The following FRMD4A variants were observed in gnomAD, a reference collection of about 807,000 sequenced individuals.
The protein encoded by FRMD4A is FERM domain containing 4A.
FRMD4A carries 29 observed loss-of-function variants against 129.1 expected under a neutral mutation model. The ratio of observed to expected loss-of-function variants is 0.22; its 90% CI spans 0.17 to 0.31. FRMD4A has a LOEUF of 0.31. Ranked by LOEUF, FRMD4A falls within the 10% of genes least tolerant of loss-of-function variation. The pLI is 1.00. For missense variants in FRMD4A, 1,272 were observed against 1,375.8 expected (o/e 0.92, Z 1.19); for synonymous variants, 634 against 571.6 (o/e 1.11, Z -1.56).
At chr10:13,941,228 G>T (rs1198113141) in intron 2 of FRMD4A, among the ~76,000 whole-genome samples, 2 of 152,144 alleles carry the variant, frequency 1.3e-5, no homozygotes, top group East Asian at 3.9e-4. Context: ...TCTCATGGTA[G>T]TGAATAAGTC....
At chr10:14,292,940 C>A (rs1327826730) in intron 2 of FRMD4A, among the ~76,000 whole-genome samples, 3 of 151,970 alleles carry the variant, frequency 2.0e-5, no homozygotes, top group African/African-American at 7.3e-5. Context: ...TTTCTGTTCA[C>A]CAAAAGGTAT....
intron 2 of FRMD4A, among the ~76,000 whole-genome samples, chr10:14,173,420 A>G (rs1334845781): frequency 4.6e-5 from 7 of 152,180 alleles, no homozygotes; most frequent in Admixed American, 4.6e-4. Context: ...ATGTTACAGG[A>G]CCAAGTTCAA....
chr10:13,812,608 A>T (rs546761436), intron 3 of FRMD4A, among the ~76,000 whole-genome samples: 2 of 152,206 alleles, frequency 1.3e-5, no homozygotes, highest in Non-Finnish European at 2.9e-5. Flanking sequence ...ACGGAGTAAG[A>T]GCTAGCGCTG....
chr10:13,728,235 A>G (rs1452990732), intron 12 of FRMD4A, among the ~76,000 whole-genome samples: 1 of 152,150 alleles, frequency 6.6e-6, no homozygotes, highest in African/African-American at 2.4e-5. Context: ...AGTTCATTCA[A>G]TATTGATAGC....
rs1333243763 is a variant in FRMD4A at position 13,743,665 on chromosome 10, T to C, written c.549-3088A>G. ...AGCAGCAGAAATCTTTGCCGCCCCC[T>C]GTTTGCCCTGTAACTCCTGCTCTCT... On this transcript the variant is annotated intron_variant, in intron 9 of 24. Coordinates refer to ENST00000357447, the MANE Select transcript of FRMD4A (RefSeq NM_018027.5). Among the ~76,000 whole-genome samples the C allele has an allele frequency of 2.0e-5, 3 of 150,162 alleles. No individual in the cohort carries two copies. The East Asian group carries it at 5.8e-4, about 29-fold the overall frequency.
At chr10:14,012,168 G>A (rs977758765) in intron 2 of FRMD4A, among the ~76,000 whole-genome samples, 5 of 151,490 alleles carry the variant, frequency 3.3e-5, no homozygotes, top group African/African-American at 1.2e-4. Flanking sequence ...AGTTGAGGGG[G>A]GAAAGATGCC....
At chr10:13,836,091 G>A (rs534859442) in intron 3 of FRMD4A, among the ~76,000 whole-genome samples, 99 of 152,262 alleles carry the variant, frequency 6.5e-4, no homozygotes, top group African/African-American at 2.3e-3. Flanking sequence ...TCTGCCTCCC[G>A]GGTTCAAGGG....
chr10:13,891,511 T>A (rs954144118), intron 2 of FRMD4A: 10 of 752,850 alleles, frequency 1.3e-5, no homozygotes, highest in Non-Finnish European at 1.6e-5. Flanking sequence ...AGGCCCCCAG[T>A]AAAGAAGCAG....
chr10:13,884,116 A>ACT lies in FRMD4A; in HGVS notation c.46-25205_46-25204insAG, dbSNP rs1455763080. On this transcript the variant is annotated intron_variant, in intron 2 of 24. Coordinates refer to ENST00000357447, the MANE Select transcript of FRMD4A (RefSeq NM_018027.5). ...CAATGGAAAAGAAACACACACACAC[A>ACT]CACACTCACACACACGCTCACACAC... Among the ~76,000 whole-genome samples the ACT allele has an allele frequency of 6.8e-4, 76 of 111,938 alleles. 2 individuals carry two copies. Among genetic ancestry groups the ACT allele is most frequent in the Non-Finnish European group, 1.1e-3 (59 of 55,534 alleles). 73.4% of individuals were successfully genotyped at this position (111,938 alleles called of 152,430 possible). A position where few individuals can be genotyped will look rare whatever the true frequency, so the allele number is the denominator to read the frequency against.
intron 2 of FRMD4A, among the ~76,000 whole-genome samples, chr10:13,955,090 C>T (rs1225827291): frequency 7.1e-6 from 1 of 141,772 alleles, no homozygotes; most frequent in East Asian, 2.1e-4. Flanking sequence ...CCAACTCTTC[C>T]AACCCCATGT....
At chr10:13,846,042 G>A (rs2094040176) in intron 3 of FRMD4A, among the ~76,000 whole-genome samples, 1 of 152,078 alleles carries the variant, frequency 6.6e-6, no homozygotes, top group South Asian at 2.1e-4. Flanking sequence ...TGAAAAAATG[G>A]GAATAATAAC....
In FRMD4A at chr10:13,752,467, A is replaced by G. The variant is rs187361498; in HGVS notation, c.465-4648T>C. On this transcript the variant is annotated intron_variant, in intron 8 of 24. Coordinates refer to ENST00000357447, the MANE Select transcript of FRMD4A (RefSeq NM_018027.5). ...AAAACCTGGAAATAACTTTTTCAAGAAAGTCCCCCTGGGTCAAATGAGATG... is the reference window on the plus strand; with the variant it reads ...AAAACCTGGAAATAACTTTTTCAAGGAAGTCCCCCTGGGTCAAATGAGATG... Among the ~76,000 whole-genome samples the G allele has an allele frequency of 2.1e-3, 323 of 152,350 alleles. 2 individuals carry two copies. The highest frequency in any genetic ancestry group is 6.7e-3 in the African/African-American group (277 of 41,586).
intron 2 of FRMD4A, among the ~76,000 whole-genome samples, chr10:14,318,562 G>A (rs1846841370): frequency 6.9e-6 from 1 of 144,122 alleles, no homozygotes; most frequent in Non-Finnish European, 1.5e-5. Flanking sequence ...CAGATGTTCA[G>A]AGTTTGGATG....
rs747411670 is a variant in FRMD4A at position 13,809,984 on chromosome 10, G to C, written c.206+830C>G. ...GGCACCACCTGATTCCCAGGGCCTC[G>C]GCTCCCCTGTACTGTCTTGCCTGGC... is the stretch of plus-strand genomic sequence containing the variant. On this transcript the variant is annotated intron_variant, in intron 4 of 24. Coordinates refer to ENST00000357447, the MANE Select transcript of FRMD4A (RefSeq NM_018027.5). Among the ~76,000 whole-genome samples, 24 of 152,108 alleles carry C rather than the reference G, an allele frequency of 1.6e-4. 1 individual carries two copies. The highest frequency in any genetic ancestry group is 2.9e-4 in the Non-Finnish European group (20 of 68,016).
intron 2 of FRMD4A, among the ~76,000 whole-genome samples, chr10:14,279,740 G>C (rs188064485): frequency 6.6e-6 from 1 of 152,166 alleles, no homozygotes; most frequent in African/African-American, 2.4e-5. Flanking sequence ...TGGAGTCAAT[G>C]TGCATGATCT....
intron 2 of FRMD4A, among the ~76,000 whole-genome samples, chr10:14,275,854 T>C (rs1845320843): frequency 6.6e-6 from 1 of 151,956 alleles, no homozygotes; most frequent in Non-Finnish European, 1.5e-5. Context: ...ACCTGGGCAA[T>C]ACAGCAAGAC....
At chr10:13,898,663 G>GT (rs1378119605) in intron 2 of FRMD4A, among the ~76,000 whole-genome samples, 35 of 152,294 alleles carry the variant, frequency 2.3e-4, no homozygotes, top group African/African-American at 8.4e-4. Flanking sequence ...AAGAGATGAT[G>GT]GCTTAGCTCT....
intron 2 of FRMD4A, among the ~76,000 whole-genome samples, chr10:13,991,386 C>G (rs1406748952): frequency 6.6e-6 from 1 of 152,140 alleles, no homozygotes; most frequent in Non-Finnish European, 1.5e-5. Context: ...GGGCATCAGG[C>G]GCGGAGATTC....
chr10:13,835,119 G>C (rs538483669), intron 3 of FRMD4A, among the ~76,000 whole-genome samples: 8 of 152,258 alleles, frequency 5.3e-5, no homozygotes, highest in African/African-American at 1.7e-4. Context: ...TCAGCACAGC[G>C]GCAAGTGTAA....
Sources: gnomAD v4.1 joint callset for allele counts (sites outside exome capture counted in the v4.1 genomes callset) on GRCh38, gnomAD v4.1.1 for gene constraint, MANE v1.5 for transcripts, NCBI Gene and HGNC (gene_info 2026-07-23, HGNC 2026-07-21) for gene names.